PRKG1: variants seen among roughly 807,000 people sequenced by gnomAD.
PRKG1 encodes protein kinase cGMP-dependent 1, also known as cGMP-dependent protein kinase 1.
Under a neutral mutation model 88.1 loss-of-function variants are expected in PRKG1, and 35 were observed. That is an observed-to-expected ratio of 0.40 (90% CI 0.30 to 0.53). The LOEUF is 0.53. Ranked by LOEUF, PRKG1 falls within the 20% of genes least tolerant of loss-of-function variation. The probability of loss-of-function intolerance (pLI) is 0.59; values close to 1 mark genes in which losing one functional copy is unlikely to be tolerated. For synonymous variants in PRKG1, 303 were observed against 292.5 expected (o/e 1.04, Z -0.37); for missense variants, 540 against 839.8 (o/e 0.64, Z 4.41).
intron 3 of PRKG1, among the ~76,000 whole-genome samples, chr10:51,571,756 G>A (rs1837759009): frequency 6.6e-6 from 1 of 151,886 alleles, no homozygotes; most frequent in Non-Finnish European, 1.5e-5. Context: ...GTTCATAATG[G>A]GGGAGGATTT....
At chr10:52,141,234 T>G (rs190450773) in intron 8 of PRKG1, among the ~76,000 whole-genome samples, 80 of 152,282 alleles carry the variant, frequency 5.3e-4, no homozygotes, top group Non-Finnish European at 8.5e-4. Context: ...AATTTAATGA[T>G]GTGGGTTGAA....
At chr10:51,843,401 C>T (rs1045056780) in intron 4 of PRKG1, among the ~76,000 whole-genome samples, 3 of 152,002 alleles carry the variant, frequency 2.0e-5, no homozygotes, top group African/African-American at 4.8e-5. Flanking sequence ...ATTTTGTTGC[C>T]TTAGTGACCA....
At chr10:51,201,031 T>G (rs910375049) in intron 2 of PRKG1, among the ~76,000 whole-genome samples, 1 of 152,186 alleles carries the variant, frequency 6.6e-6, no homozygotes, top group Non-Finnish European at 1.5e-5. Flanking sequence ...AAGGATCACT[T>G]TTCATCAGAA....
At chr10:51,304,000 A>G (rs1395060484) in intron 2 of PRKG1, among the ~76,000 whole-genome samples, 1 of 151,912 alleles carries the variant, frequency 6.6e-6, no homozygotes, top group Non-Finnish European at 1.5e-5. Context: ...TGGTTTTTTT[A>G]GTAGAGATGG....
At chr10:51,926,636 G>T (rs1842583331) in intron 5 of PRKG1, among the ~76,000 whole-genome samples, 1 of 151,688 alleles carries the variant, frequency 6.6e-6, no homozygotes, top group African/African-American at 2.4e-5. Context: ...GGCTAGAATT[G>T]TCACAGCATT....
chr10:51,365,576 T>C (rs1031095884), intron 2 of PRKG1, among the ~76,000 whole-genome samples: 3 of 151,944 alleles, frequency 2.0e-5, no homozygotes, highest in Non-Finnish European at 4.4e-5. Flanking sequence ...ATTTTAATTG[T>C]TTCTGTTTAT....
At chr10:52,041,599 G>A (rs956506541) in intron 5 of PRKG1, among the ~76,000 whole-genome samples, 1 of 152,120 alleles carries the variant, frequency 6.6e-6, no homozygotes, top group East Asian at 1.9e-4. Flanking sequence ...AAGCCATCAG[G>A]TCCCATGCTT....
intron 2 of PRKG1, among the ~76,000 whole-genome samples, chr10:51,157,305 T>C (rs1846239619): frequency 6.6e-6 from 1 of 151,932 alleles, no homozygotes; most frequent in South Asian, 2.1e-4. Flanking sequence ...ATCAACGTTG[T>C]TTTGGAATTA....
intron 1 of PRKG1, among the ~76,000 whole-genome samples, chr10:51,086,735 T>C (rs2131857835): frequency 6.6e-6 from 1 of 152,276 alleles, no homozygotes. Context: ...TCCTGAAGTG[T>C]AAAAGCAAAA....
chr10:51,609,814 A>G (rs1838859049), intron 3 of PRKG1, among the ~76,000 whole-genome samples: 1 of 152,096 alleles, frequency 6.6e-6, no homozygotes, highest in South Asian at 2.1e-4. Context: ...AGGGAGGGGA[A>G]CAACACACAC....
chr10:51,424,520 G>T (rs1001717541), intron 2 of PRKG1, among the ~76,000 whole-genome samples: 1 of 152,034 alleles, frequency 6.6e-6, no homozygotes, highest in East Asian at 1.9e-4. Context: ...CTGTCTTCTT[G>T]CAAGACTGCT....
chr10:51,058,554 G>A (rs1446448410), intron 1 of PRKG1, among the ~76,000 whole-genome samples: 1 of 152,040 alleles, frequency 6.6e-6, no homozygotes. Flanking sequence ...CAAATTCATA[G>A]TTTGAACAAG....
intron 1 of PRKG1, among the ~76,000 whole-genome samples, chr10:51,031,561 T>C (rs1318333785): frequency 6.6e-6 from 1 of 152,160 alleles, no homozygotes; most frequent in Non-Finnish European, 1.5e-5. Context: ...AACGTATTTA[T>C]TGAGTGGCCA....
chr10:51,602,632 C>G (rs1049957332), intron 3 of PRKG1, among the ~76,000 whole-genome samples: 2 of 151,590 alleles, frequency 1.3e-5, no homozygotes, highest in Non-Finnish European at 2.9e-5. Context: ...CCAGGCTGGT[C>G]TCAAACTCCT....
At chr10:51,358,120 A>G (rs929275551) in intron 2 of PRKG1, among the ~76,000 whole-genome samples, 4 of 151,842 alleles carry the variant, frequency 2.6e-5, no homozygotes, top group African/African-American at 9.7e-5. Flanking sequence ...GGGGGTCATG[A>G]GATTGTAGTC....
chr10:52,192,216 G>T (rs535319774), intron 9 of PRKG1, among the ~76,000 whole-genome samples: 50 of 152,092 alleles, frequency 3.3e-4, no homozygotes, highest in African/African-American at 1.2e-3. Flanking sequence ...CCTGTTAGTT[G>T]CCAGTAACTC....
intron 3 of PRKG1, among the ~76,000 whole-genome samples, chr10:51,728,453 GTTTTTTTT>G (rs56975031): frequency 6.8e-5 from 4 of 58,812 alleles, no homozygotes; most frequent in Non-Finnish European, 1.1e-4. Flanking sequence ...TTTTTTCTTT[GTTTTTTTT>G]TTTTTTTTTT....
chr10:51,476,601 TTTGTTG>T (rs66840703), intron 3 of PRKG1, among the ~76,000 whole-genome samples: 2 of 151,188 alleles, frequency 1.3e-5, no homozygotes, highest in African/African-American at 2.4e-5. Context: ...AAGTGGATTA[TTTGTTG>T]TTGTTGTTGT....
At chr10:51,103,408 A>C (rs1380953645) in intron 1 of PRKG1, among the ~76,000 whole-genome samples, 1 of 152,228 alleles carries the variant, frequency 6.6e-6, no homozygotes, top group Non-Finnish European at 1.5e-5. Flanking sequence ...GAATGACTTT[A>C]TATTTCTTCG....
Sources: gnomAD v4.1 joint callset for allele counts (sites outside exome capture counted in the v4.1 genomes callset) on GRCh38, gnomAD v4.1.1 for gene constraint, MANE v1.5 for transcripts, NCBI Gene and HGNC (gene_info 2026-07-23, HGNC 2026-07-21) for gene names.